Variants in FGD4 observed in about 807,000 individuals in gnomAD.
The protein encoded by FGD4 is FYVE, RhoGEF and PH domain containing 4.
In FGD4, 42 loss-of-function variants were observed where a neutral mutation model predicts 102.0. That is an observed-to-expected ratio of 0.41 (90% CI 0.32 to 0.53). The LOEUF (loss-of-function observed/expected upper bound fraction) is 0.53, where lower values mean the gene tolerates loss of function less well. Ranked by LOEUF, FGD4 falls within the 20% of genes least tolerant of loss-of-function variation. The probability of loss-of-function intolerance (pLI) is 0.21; values close to 1 mark genes in which losing one functional copy is unlikely to be tolerated. For synonymous variants in FGD4, 380 were observed against 375.7 expected, an observed-to-expected ratio of 1.01 and a Z score of -0.13; for missense variants, 902 against 1,078.2, an observed-to-expected ratio of 0.84 and a Z score of 2.29.
chr12:32,552,051 A>G (rs1030460732), intron 1 of FGD4, among the ~76,000 whole-genome samples: 2 of 152,200 alleles, frequency 1.3e-5, no homozygotes, highest in Non-Finnish European at 2.9e-5. Flanking sequence ...CTGAATTGGA[A>G]ACAATTTTCA....
At chr12:32,526,308 C>T (rs1176943898) in intron 1 of FGD4, among the ~76,000 whole-genome samples, 6 of 152,110 alleles carry the variant, frequency 3.9e-5, no homozygotes, top group South Asian at 2.1e-4. Context: ...ATTGTAAATA[C>T]ACCAATCGGC....
chr12:32,509,037 A>G (rs1178904118), intron 1 of FGD4, among the ~76,000 whole-genome samples: 2 of 152,222 alleles, frequency 1.3e-5, no homozygotes, highest in African/African-American at 4.8e-5. Flanking sequence ...GGTGTTTTCT[A>G]TATGTCAGAG....
chr12:32,572,570 A>G (rs1248374958), intron 2 of FGD4, among the ~76,000 whole-genome samples: 2 of 152,258 alleles, frequency 1.3e-5, no homozygotes, highest in Admixed American at 1.3e-4. Context: ...CATCGTCTGT[A>G]ATGCCAATAG....
At chr12:32,457,790 G>A in intron 1 of FGD4, among the ~76,000 whole-genome samples, 1 of 152,146 alleles carries the variant, frequency 6.6e-6, no homozygotes, top group Non-Finnish European at 1.5e-5. Context: ...AAAATAGAAT[G>A]CAAATTGCAG....
intron 7 of FGD4, among the ~76,000 whole-genome samples, chr12:32,605,990 A>G (rs1431885279): frequency 6.6e-6 from 1 of 152,176 alleles, no homozygotes; most frequent in Non-Finnish European, 1.5e-5. Context: ...TGGGTTGTGA[A>G]AAGAGTGGTA....
intron 10 of FGD4, among the ~76,000 whole-genome samples, chr12:32,614,358 A>G (rs996860846): frequency 2.6e-5 from 4 of 152,160 alleles, no homozygotes; most frequent in African/African-American, 9.7e-5. Flanking sequence ...AATCAGAGCA[A>G]TGGTTACCAA....
At chr12:32,514,391 G>A (rs1939684602) in intron 1 of FGD4, among the ~76,000 whole-genome samples, 1 of 152,084 alleles carries the variant, frequency 6.6e-6, no homozygotes, top group South Asian at 2.1e-4. Context: ...TTTTCCCTCA[G>A]CCACGTTAGT....
intron 1 of FGD4, among the ~76,000 whole-genome samples, chr12:32,501,231 T>A (rs997136813): frequency 3.9e-5 from 6 of 152,198 alleles, no homozygotes; most frequent in Non-Finnish European, 7.4e-5. Flanking sequence ...TTTAAAAAAA[T>A]TTTCTGTGGA....
chr12:32,491,437 G>T (rs1253067368), intron 1 of FGD4, among the ~76,000 whole-genome samples: 1 of 152,150 alleles, frequency 6.6e-6, no homozygotes, highest in Non-Finnish European at 1.5e-5. Flanking sequence ...AACATTCTTG[G>T]TAAATGTTTG....
chr12:32,619,351 G>A (rs117070345), intron 10 of FGD4, among the ~76,000 whole-genome samples: 1,708 of 152,152 alleles, frequency 0.011, 12 homozygotes, highest in South Asian at 0.053. Context: ...GTTTCCAGCC[G>A]GGTGCGGTGG....
chr12:32,406,124 G>A (rs1940921963), intron 1 of FGD4, among the ~76,000 whole-genome samples: 1 of 151,728 alleles, frequency 6.6e-6, no homozygotes, highest in Non-Finnish European at 1.5e-5. Context: ...TGTATTTTTA[G>A]TAAAGACAGG....
At chr12:32,605,292 CAGA>C (rs1366590206) in intron 7 of FGD4, among the ~76,000 whole-genome samples, 2 of 151,366 alleles carry the variant, frequency 1.3e-5, no homozygotes, top group Non-Finnish European at 2.9e-5. Context: ...CAGCTGTAGC[CAGA>C]AGGTCTGCCT....
intron 1 of FGD4, among the ~76,000 whole-genome samples, chr12:32,530,616 A>G (rs73094140): frequency 0.011 from 1,677 of 152,296 alleles, 10 homozygotes; most frequent in Non-Finnish European, 0.017. Context: ...TCAGAGCTGG[A>G]GGTATTTTAT....
chr12:32,430,978 G>A (rs1311924745), intron 1 of FGD4, among the ~76,000 whole-genome samples: 2 of 152,232 alleles, frequency 1.3e-5, no homozygotes, highest in Non-Finnish European at 2.9e-5. Flanking sequence ...TTGTTCTGAA[G>A]TCAGTTTGGT....
intron 16 of FGD4, 150 bp downstream of exon 16, chr12:32,638,945 T>C (rs779561158): frequency 6.7e-7 from 1 of 1,490,394 alleles, no homozygotes; most frequent in Non-Finnish European, 8.9e-7. Context: ...TTCAAGTTTG[T>C]TGTTTAAGCT....
chr12:32,582,495 G>C, intron 4 of FGD4, 28 bp downstream of exon 4: 1 of 1,604,694 alleles, frequency 6.2e-7, no homozygotes, highest in South Asian at 1.1e-5. Flanking sequence ...CTCATGAGCA[G>C]GGAAAACCCT....
At chr12:32,426,763 G>A (rs962709381) in intron 1 of FGD4, among the ~76,000 whole-genome samples, 7 of 152,044 alleles carry the variant, frequency 4.6e-5, no homozygotes, top group Non-Finnish European at 7.4e-5. Flanking sequence ...GTCTATTCAG[G>A]AATTCGACTT....
At chr12:32,607,529 T>A (rs1948857585) in intron 7 of FGD4, among the ~76,000 whole-genome samples, 1 of 152,222 alleles carries the variant, frequency 6.6e-6, no homozygotes, top group Admixed American at 6.5e-5. Flanking sequence ...GTTGTTGTTT[T>A]TTTTGAGACG....
At chr12:32,470,604 C>G (rs1440663866) in intron 1 of FGD4, among the ~76,000 whole-genome samples, 1 of 151,790 alleles carries the variant, frequency 6.6e-6, no homozygotes, top group Non-Finnish European at 1.5e-5. Context: ...CAGGTGCACA[C>G]CACTACACCT....
Sources: gnomAD v4.1 joint callset for allele counts (sites outside exome capture counted in the v4.1 genomes callset) on GRCh38, gnomAD v4.1.1 for gene constraint, MANE v1.5 for transcripts, NCBI Gene and HGNC (gene_info 2026-07-23, HGNC 2026-07-21) for gene names.